The following ACYP2 variants were observed in gnomAD, a reference collection of about 807,000 sequenced individuals.
The protein encoded by ACYP2 is acylphosphatase-2.
A neutral mutation model predicts 11.2 loss-of-function variants in ACYP2; 12 were observed. The ratio of observed to expected loss-of-function variants is 1.08; its 90% CI spans 0.69 to 1.74. The LOEUF (loss-of-function observed/expected upper bound fraction) is 1.74, where lower values mean the gene tolerates loss of function less well. ACYP2 is among the 40% of genes most tolerant of loss of function. The pLI, the probability that ACYP2 is intolerant of heterozygous loss-of-function variation, is 0.00. For missense variants in ACYP2, 134 were observed against 101.9 expected (o/e 1.31, Z -1.35); for synonymous variants, 43 against 32.2 (o/e 1.33, Z -1.13).
At chr2:54,295,514 T>C (rs904216767) in intron 6 of ACYP2, among the ~76,000 whole-genome samples, 2 of 152,134 alleles carry the variant, frequency 1.3e-5, no homozygotes, top group Non-Finnish European at 2.9e-5. Flanking sequence ...ATGGTATAGG[T>C]GCCTAGAAAT....
At chr2:54,019,300 A>C (rs1209365190) in intron 2 of ACYP2, among the ~76,000 whole-genome samples, 1 of 151,792 alleles carries the variant, frequency 6.6e-6, no homozygotes, top group Non-Finnish European at 1.5e-5. Flanking sequence ...TTGAGCTGCT[A>C]TCTTCAAGTT....
intron 6 of ACYP2, among the ~76,000 whole-genome samples, chr2:54,172,513 G>A (rs1280228031): frequency 6.6e-6 from 1 of 152,120 alleles, no homozygotes; most frequent in Non-Finnish European, 1.5e-5. Context: ...GGCAGTGAAG[G>A]GTGTGAAGAC....
chr2:54,041,105 C>CTTTCTTTT (rs1558489139), intron 2 of ACYP2, among the ~76,000 whole-genome samples: 1 of 103,606 alleles, frequency 9.7e-6, no homozygotes, highest in Admixed American at 8.9e-5. Context: ...TTCTTTCTTT[C>CTTTCTTTT]TTTCTTTTTT....
chr2:54,079,754 T>G (rs763567783), intron 4 of ACYP2, among the ~76,000 whole-genome samples: 1 of 152,220 alleles, frequency 6.6e-6, no homozygotes, highest in Non-Finnish European at 1.5e-5. Context: ...GAGTTCTCTT[T>G]AAGAAAAATA....
At chr2:54,272,490 A>AGTCTATGTTCTT (rs1011532039) in intron 6 of ACYP2, among the ~76,000 whole-genome samples, 1 of 152,200 alleles carries the variant, frequency 6.6e-6, no homozygotes, top group African/African-American at 2.4e-5. Context: ...TCCTGAAGGT[A>AGTCTATGTTCTT]GTCTATGTTC....
chr2:53,990,687 T>A (rs1205346951), intron 2 of ACYP2, among the ~76,000 whole-genome samples: 2 of 148,794 alleles, frequency 1.3e-5, no homozygotes, highest in African/African-American at 2.5e-5. Context: ...AGAAAAAGAA[T>A]CCTCACTTTC....
In ACYP2 at chr2:54,162,023, A is replaced by T. The variant is rs140297411; in HGVS notation, c.404+23275A>T. Among the ~76,000 whole-genome samples, 914 of 152,262 alleles carry T rather than the reference A, an allele frequency of 6.0e-3. 8 individuals are homozygous for T. Among genetic ancestry groups the T allele is most frequent in the African/African-American group, 0.021 (880 of 41,560 alleles). ...TCAGCTCTCCTTTTCTTGTTGTTTC[A>T]CAACCATATAGATTCTTACTTTTTT... On this transcript the variant is annotated intron_variant, in intron 6 of 6. Coordinates refer to ENST00000607452, the MANE Select transcript of ACYP2 (RefSeq NM_001320586.2).
intron 6 of ACYP2, among the ~76,000 whole-genome samples, chr2:54,204,517 A>T (rs1239785105): frequency 1.3e-5 from 2 of 152,160 alleles, no homozygotes; most frequent in Non-Finnish European, 2.9e-5. Context: ...CCAGTGTGGC[A>T]TATGAAAGGT....
chr2:54,002,292 A>T (rs1292845294), intron 2 of ACYP2, among the ~76,000 whole-genome samples: 1 of 151,892 alleles, frequency 6.6e-6, no homozygotes. Flanking sequence ...TCTTTCACTT[A>T]GTAGTGTGTA....
At chr2:54,150,368 G>A (rs1289509956) in intron 6 of ACYP2, among the ~76,000 whole-genome samples, 10 of 152,196 alleles carry the variant, frequency 6.6e-5, no homozygotes, top group Non-Finnish European at 7.3e-5. Context: ...TGGTATGTTA[G>A]ACTAGATGTC....
intron 2 of ACYP2, among the ~76,000 whole-genome samples, chr2:53,985,431 C>A (rs940010570): frequency 5.3e-5 from 8 of 152,032 alleles, no homozygotes; most frequent in Non-Finnish European, 1.2e-4. Flanking sequence ...GCTTCATGTT[C>A]TCACTTCAGG....
chr2:54,100,915 A>G (rs1000707865), intron 4 of ACYP2, among the ~76,000 whole-genome samples: 3 of 152,226 alleles, frequency 2.0e-5, no homozygotes, highest in African/African-American at 7.2e-5. Flanking sequence ...TGGACTTTGT[A>G]GGTGCTAGGA....
intron 4 of ACYP2, among the ~76,000 whole-genome samples, chr2:54,066,458 C>T (rs1027814841): frequency 3.3e-5 from 5 of 152,154 alleles, no homozygotes; most frequent in Non-Finnish European, 5.9e-5. Flanking sequence ...CTAGTGCACG[C>T]TTCAACCGTA....
chr2:54,030,223 C>G (rs1186754271), intron 2 of ACYP2, among the ~76,000 whole-genome samples: 1 of 152,184 alleles, frequency 6.6e-6, no homozygotes, highest in African/African-American at 2.4e-5. Context: ...ATCTTATCTC[C>G]TTTACGGCTT....
At chr2:54,286,457 C>G (rs1171543849) in intron 6 of ACYP2, among the ~76,000 whole-genome samples, 1 of 152,002 alleles carries the variant, frequency 6.6e-6, no homozygotes, top group Non-Finnish European at 1.5e-5. Context: ...ATCAGGGACT[C>G]TCTGTAAACT....
intron 6 of ACYP2, among the ~76,000 whole-genome samples, chr2:54,208,081 C>T (rs1380155412): frequency 6.6e-6 from 1 of 152,068 alleles, no homozygotes; most frequent in Non-Finnish European, 1.5e-5. Context: ...TGATGTCAAG[C>T]TTGCTGTTCA....
chr2:54,127,643 G>A (rs1273147693), intron 4 of ACYP2, among the ~76,000 whole-genome samples: 1 of 151,204 alleles, frequency 6.6e-6, no homozygotes. Context: ...AGTTACTCTA[G>A]AGGCTGAGGC....
chr2:54,051,320 T>G, intron 3 of ACYP2: 1 of 764,952 alleles, frequency 1.3e-6, no homozygotes, highest in South Asian at 1.3e-5. Flanking sequence ...TTCAGTCAAC[T>G]TCTCAGAGTT....
chr2:54,243,946 T>C (rs1312882303), intron 6 of ACYP2, among the ~76,000 whole-genome samples: 3 of 151,960 alleles, frequency 2.0e-5, no homozygotes, highest in Non-Finnish European at 4.4e-5. Flanking sequence ...ACAGCTGACC[T>C]GAAAGTCTTT....
Sources: gnomAD v4.1 joint callset for allele counts (sites outside exome capture counted in the v4.1 genomes callset) on GRCh38, gnomAD v4.1.1 for gene constraint, MANE v1.5 for transcripts, NCBI Gene and HGNC (gene_info 2026-07-23, HGNC 2026-07-21) for gene names.